The following ADD3 variants were observed in gnomAD, a reference collection of about 807,000 sequenced individuals.
The protein encoded by ADD3 is adducin 3.
ADD3 carries 25 observed loss-of-function variants against 80.2 expected under a neutral mutation model. The ratio of observed to expected loss-of-function variants is 0.31; its 90% CI spans 0.23 to 0.44. The LOEUF (loss-of-function observed/expected upper bound fraction) is 0.44, where lower values mean the gene tolerates loss of function less well. Among genes scored for constraint, ADD3 ranks in the 20% least tolerant of loss-of-function variants. The pLI, the probability that ADD3 is intolerant of heterozygous loss-of-function variation, is 1.00. For missense variants in ADD3, 829 were observed against 847.5 expected (o/e 0.98, Z 0.27); for synonymous variants, 284 against 289.6 (o/e 0.98, Z 0.20).
intron 1 of ADD3, among the ~76,000 whole-genome samples, chr10:110,032,557 A>G (rs1855169306): frequency 6.6e-6 from 1 of 152,244 alleles, no homozygotes; most frequent in African/African-American, 2.4e-5. Context: ...TTGTATTTAT[A>G]ATACTAAGAG....
chr10:110,014,633 TC>T (rs1234149872), intron 1 of ADD3, among the ~76,000 whole-genome samples: 1 of 151,836 alleles, frequency 6.6e-6, no homozygotes, highest in African/African-American at 2.4e-5. Context: ...CTCAAGGGAT[TC>T]TCCTGCCTCA....
intron 12 of ADD3, among the ~76,000 whole-genome samples, chr10:110,127,813 C>T (rs184703371): frequency 2.3e-4 from 35 of 152,200 alleles, no homozygotes; most frequent in Non-Finnish European, 2.9e-5. Context: ...TATCTTGTGT[C>T]TTCTGCTTTC....
Position 110,135,393 on chromosome 10 carries a change from T to C in ADD3, c.*1775T>C, listed in dbSNP as rs1474089570. The C allele has an allele frequency of 2.6e-5, 4 of 152,678 alleles. No homozygotes were observed. Among genetic ancestry groups the C allele is most frequent in the African/African-American group, 9.6e-5 (4 of 41,470 alleles). The allele number at this position is 152,678 out of a possible 1,614,324, so 9.5% of individuals were successfully genotyped here. On this transcript the variant is annotated 3_prime_UTR_variant, in exon 15 of 15. Transcript: ENST00000356080. Reference sequence around the variant, plus strand: ...AATGTGCATAAATATTTTTTAAACATAACAGTGAACTATTGCACCTTTTGC... The same window carrying C: ...AATGTGCATAAATATTTTTTAAACACAACAGTGAACTATTGCACCTTTTGC...
chr10:110,047,453 G>T (rs1205370619), intron 1 of ADD3, among the ~76,000 whole-genome samples: 1 of 152,136 alleles, frequency 6.6e-6, no homozygotes, highest in Admixed American at 6.5e-5. Context: ...GTTAAAATCA[G>T]GTGCTAGCAT....
At chr10:110,078,537 C>A (rs1845643708) in intron 1 of ADD3, among the ~76,000 whole-genome samples, 1 of 152,138 alleles carries the variant, frequency 6.6e-6, no homozygotes, top group South Asian at 2.1e-4. Context: ...TCAGCATTTT[C>A]AAGTTGAAAT....
At chr10:110,128,168 T>A (rs1222000329) in intron 12 of ADD3, among the ~76,000 whole-genome samples, 1 of 151,588 alleles carries the variant, frequency 6.6e-6, no homozygotes, top group Non-Finnish European at 1.5e-5. Flanking sequence ...GTAACCCTTT[T>A]CAATCTCCAG....
chr10:110,094,277 G>A (rs568411923), intron 1 of ADD3, among the ~76,000 whole-genome samples: 1 of 152,096 alleles, frequency 6.6e-6, no homozygotes, highest in Admixed American at 6.5e-5. Flanking sequence ...GGGGCAATCT[G>A]GATGACATGG....
intron 1 of ADD3, among the ~76,000 whole-genome samples, chr10:110,036,990 G>A (rs1007184766): frequency 1.3e-5 from 2 of 152,154 alleles, no homozygotes; most frequent in African/African-American, 4.8e-5. Flanking sequence ...CTTCCCATAA[G>A]TGGTCAGGTT....
chr10:110,054,298 A>C (rs1564899471), intron 1 of ADD3, among the ~76,000 whole-genome samples: 1 of 152,188 alleles, frequency 6.6e-6, no homozygotes, highest in Non-Finnish European at 1.5e-5. Context: ...GAGTCTCAAA[A>C]TATTTCAGCC....
intron 1 of ADD3, among the ~76,000 whole-genome samples, chr10:110,095,054 T>A (rs1488275813): frequency 6.6e-6 from 1 of 152,238 alleles, no homozygotes; most frequent in African/African-American, 2.4e-5. Context: ...AGCCTATAAA[T>A]AATGCAAACC....
At chr10:110,070,336 T>C (rs1269720478) in intron 1 of ADD3, among the ~76,000 whole-genome samples, 2 of 152,202 alleles carry the variant, frequency 1.3e-5, no homozygotes, top group Non-Finnish European at 2.9e-5. Context: ...ACCTGTTCAC[T>C]TGTAGCATGT....
At chr10:110,082,189 A>G (rs1200065315) in intron 1 of ADD3, among the ~76,000 whole-genome samples, 1 of 152,144 alleles carries the variant, frequency 6.6e-6, no homozygotes, top group Non-Finnish European at 1.5e-5. Context: ...TTTTAGAACA[A>G]CAAGTGTCAT....
intron 4 of ADD3, 115 bp from the exon 5 acceptor site, chr10:110,117,227 T>G: frequency 1.7e-6 from 1 of 577,600 alleles, no homozygotes; most frequent in South Asian, 2.5e-5. Flanking sequence ...TTTGCTTTGT[T>G]GGTTTTTTTT....
At chr10:110,072,307 C>A (rs1844823342) in intron 1 of ADD3, among the ~76,000 whole-genome samples, 1 of 152,146 alleles carries the variant, frequency 6.6e-6, no homozygotes, top group Admixed American at 6.5e-5. Flanking sequence ...TCTCGTGATC[C>A]CCCAGCCTCG....
At chr10:110,060,984 G>A (rs546493349) in intron 1 of ADD3, among the ~76,000 whole-genome samples, 2 of 152,322 alleles carry the variant, frequency 1.3e-5, no homozygotes, top group Non-Finnish European at 2.9e-5. Context: ...CAAGTGAAAA[G>A]AAAGAATTGG....
chr10:109,997,540 A>T (rs1238097318), intron 1 of ADD3: 1 of 152,212 alleles, frequency 6.6e-6, no homozygotes, highest in Admixed American at 6.5e-5. Context: ...TCTTCACATG[A>T]TGAATCCTTC....
In ADD3 at chr10:110,133,571, C is replaced by T; in HGVS notation, c.2074C>T (p.Pro692Ser). ...CAAGAAAAAGAAGAAATTCCGCACT[C>T]CTTCTTTTCTGAAAAAGAACAAAAA... ...PSKKKKKFRT[P>S]SFLKKNKKKE... Residue 692 changes from proline (P) to serine (S), a missense_variant, in exon 15 of 15, where the codon CCT becomes TCT. Physicochemically the swap from Pro to Ser is moderately conservative, Grantham distance 74. Transcript: ENST00000356080. 1 of 1,597,494 alleles carries T rather than the reference C, an allele frequency of 6.3e-7. No individual in the cohort carries two copies. The highest frequency in any genetic ancestry group is 2.2e-5 in the East Asian group (1 of 44,726).
chr10:110,006,612 T>C (rs375278941), upstream of ADD3, among the ~76,000 whole-genome samples: 14 of 152,294 alleles, frequency 9.2e-5, no homozygotes, highest in Admixed American at 2.6e-4. Flanking sequence ...GGTGGTAGAC[T>C]AAAATTTCTA....
chr10:110,125,790 A>G (rs776626656), intron 10 of ADD3, 36 bp from the exon 11 acceptor site: 2 of 1,530,282 alleles, frequency 1.3e-6, no homozygotes, highest in South Asian at 2.5e-5. Context: ...TTTTCTTAAC[A>G]CAAAGCTTCA....
Sources: allele counts gnomAD v4.1 joint callset (sites outside exome capture counted in the v4.1 genomes callset), GRCh38; gene constraint gnomAD v4.1.1; transcripts MANE v1.5; gene names NCBI Gene and HGNC (gene_info 2026-07-23, HGNC 2026-07-21).